ANKRD24: variants seen among roughly 807,000 people sequenced by gnomAD.
ANKRD24 encodes ankyrin repeat domain-containing protein 24.
In ANKRD24, 109 loss-of-function variants were observed where a neutral mutation model predicts 127.8. The ratio of observed to expected loss-of-function variants is 0.85; its 90% CI spans 0.73 to 1.00. ANKRD24 has a LOEUF of 1.00. Among genes scored for constraint, ANKRD24 ranks in the 50% least tolerant of loss-of-function variants. The probability of loss-of-function intolerance (pLI) is 0.00; values close to 1 mark genes in which losing one functional copy is unlikely to be tolerated. For synonymous variants in ANKRD24, 743 were observed against 671.1 expected, an observed-to-expected ratio of 1.11 and a Z score of -1.66; for missense variants, 1,648 against 1,570.2, an observed-to-expected ratio of 1.05 and a Z score of -0.84.
chr19:4,208,696 T>C (rs1168092253), intron 10 of ANKRD24, 68 bp from the exon 11 acceptor site: 18 of 1,512,944 alleles, frequency 1.2e-5, no homozygotes, highest in Non-Finnish European at 1.6e-5. Flanking sequence ...TACAAGTCCC[T>C]GGGGCCCACC....
rs138297941 is a variant in ANKRD24 at position 4,218,283 on chromosome 19, T to TTTTATTTATTTATTTA, written c.3003+136_3003+151dup. 1.2e-3 allele frequency: 771 copies of TTTTATTTATTTATTTA among 658,938 alleles called. 4 individuals carry two copies. Among genetic ancestry groups the TTTTATTTATTTATTTA allele is most frequent in the African/African-American group, 0.011 (567 of 51,314 alleles). 40.8% of individuals were successfully genotyped at this position (658,938 alleles called of 1,614,324 possible). Reference sequence around the variant, plus strand: ...GTTTTACTTGAACAGACCTACTTTATTTTATTTATTTATTTATTTATTTAT... The same window carrying TTTTATTTATTTATTTA: ...GTTTTACTTGAACAGACCTACTTTATTTTATTTATTTATTTATTTATTTATTTATTTATTTATTTAT... On this transcript the variant is annotated intron_variant, in intron 18 of 21. Coordinates refer to ENST00000318934, the MANE Select transcript of ANKRD24 (RefSeq NM_001393985.1).
chr19:4,209,080 C>CA lies in ANKRD24; in HGVS notation c.870+280dup, dbSNP rs986310399. 9.1e-5 allele frequency: 32 copies of CA among 353,328 alleles called. No individual in the cohort carries two copies. The South Asian group carries it at 1.1e-3, about 13-fold the overall frequency. The allele number at this position is 353,328 out of a possible 1,614,324, so 21.9% of individuals were successfully genotyped here. ...GGGTTGGTGTCTTCGGGGAAGGAAG[C>CA]AGATCTGGCCTCTTCCCCTCTTTCA... On this transcript the variant is annotated intron_variant, in intron 11 of 21. Coordinates refer to ENST00000318934, the MANE Select transcript of ANKRD24 (RefSeq NM_001393985.1).
chr19:4,188,378 ATT>A (rs34131628), intron 2 of ANKRD24, among the ~76,000 whole-genome samples: 6,968 of 83,456 alleles, frequency 0.083, 390 homozygotes, highest in African/African-American at 0.24. Context: ...CGCTTGGTCC[ATT>A]TTTTTTTTTT....
chr19:4,207,428 G>T, intron 8 of ANKRD24, 73 bp from the exon 9 acceptor site: 2 of 1,569,546 alleles, frequency 1.3e-6, no homozygotes, highest in Non-Finnish European at 8.8e-7. Context: ...AAACTCAAGG[G>T]CAGTTATATA....
In ANKRD24 at chr19:4,200,015, C is replaced by G. The variant is rs370556051; in HGVS notation, c.254+10C>G. The G allele has an allele frequency of 6.4e-7, 1 of 1,562,726 alleles. No individual in the cohort carries two copies. Among genetic ancestry groups the G allele is most frequent in the Admixed American group, 1.9e-5 (1 of 53,096 alleles). ...CCGAGGGCAAGTCCGCGTGAGTGCC[C>G]GCGACCCGGGAGTGAGATGGCTGAG... On this transcript the variant is annotated intron_variant, in intron 4 of 21. Transcript: ENST00000318934.
chr19:4,187,396 G>C (rs1968126380), intron 2 of ANKRD24, among the ~76,000 whole-genome samples: 1 of 151,740 alleles, frequency 6.6e-6, no homozygotes, highest in South Asian at 2.1e-4. Flanking sequence ...CTGGGCAACA[G>C]AGTGAGACTC....
chr19:4,212,734 TG>T, intron 15 of ANKRD24, 36 bp downstream of exon 15: 1 of 1,506,000 alleles, frequency 6.6e-7, no homozygotes, highest in Non-Finnish European at 9.0e-7. Context: ...GGGCTGGGGC[TG>T]GGTCGGGGAA....
In ANKRD24 at chr19:4,212,677, G is replaced by A; in HGVS notation, c.1176G>A (p.Gln392=). 1.3e-6 allele frequency: 2 copies of A among 1,551,126 alleles called. No individual in the cohort carries two copies. Among genetic ancestry groups the A allele is most frequent in the South Asian group, 1.2e-5 (1 of 84,016 alleles). ...ESLGREVESL[Q]SRLSLLENER... ...TGGGACGGGAGGTGGAGAGTTTGCA[G>A]AGCCGGCTGTCCCTGCTGGAGGTAG... The change falls in exon 15 of 22, where the codon CAG becomes CAA. Residue 392 remains glutamine, a synonymous_variant. Transcript: ENST00000318934.
chr19:4,185,263 G>T (rs1427652284), intron 1 of ANKRD24, among the ~76,000 whole-genome samples: 2 of 151,898 alleles, frequency 1.3e-5, no homozygotes, highest in Non-Finnish European at 2.9e-5. Context: ...TGATTAAAGG[G>T]TGATGAAGAA....
intron 2 of ANKRD24, among the ~76,000 whole-genome samples, chr19:4,189,379 T>A (rs1395370279): frequency 6.6e-6 from 1 of 150,874 alleles, no homozygotes; most frequent in Non-Finnish European, 1.5e-5. Flanking sequence ...GCCTCCCAAG[T>A]AGGTGGGACT....
chr19:4,219,776 C>G lies in ANKRD24; in HGVS notation c.3171+18C>G. 6.3e-7 allele frequency: 1 copy of G among 1,584,646 alleles called. No individual in the cohort carries two copies. On this transcript the variant is annotated intron_variant, in intron 19 of 21. Transcript: ENST00000318934. ...ACAAGAAGGTGGGTGCCCCCTCTCC[C>G]ACACTCAGTCAGGGAGGCATCCACT...
chr19:4,193,862 A>G (rs186366912), intron 2 of ANKRD24, among the ~76,000 whole-genome samples: 1,453 of 85,242 alleles, frequency 0.017, 4 homozygotes, highest in East Asian at 0.03. Context: ...GAAGGAAGGA[A>G]GGAAGGAAGG....
chr19:4,190,162 G>A (rs1414247806), intron 2 of ANKRD24, among the ~76,000 whole-genome samples: 1 of 152,040 alleles, frequency 6.6e-6, no homozygotes, highest in African/African-American at 2.4e-5. Context: ...TAGGCTGGGC[G>A]TGGTGGCTCA....
intron 2 of ANKRD24, among the ~76,000 whole-genome samples, chr19:4,191,557 C>T (rs1968387060): frequency 6.6e-6 from 1 of 152,104 alleles, no homozygotes; most frequent in South Asian, 2.1e-4. Flanking sequence ...TCTCGGCTCA[C>T]TGCAAGCTCC....
At chr19:4,202,206 T>G in intron 6 of ANKRD24, 116 bp downstream of exon 6, 1 of 941,282 alleles carries the variant, frequency 1.1e-6, no homozygotes. Context: ...CCCCTTTTAC[T>G]CCAGAACCCT....
At position 4,207,817 on chromosome 19, in the gene ANKRD24, C is replaced by G; in HGVS notation, c.681C>G (p.Pro227=). 2 of 1,575,602 alleles carry G rather than the reference C, an allele frequency of 1.3e-6. No homozygotes were observed. Among genetic ancestry groups the G allele is most frequent in the Non-Finnish European group, 1.7e-6 (2 of 1,161,646 alleles). Residue 227 remains proline, a synonymous_variant, in exon 10 of 22, where the codon CCC becomes CCG. Transcript: ENST00000318934. ...ALMLACEGAS[P]ETVEVLLQGG... ...TGCTGGCCTGTGAGGGGGCCAGCCC[C>G]GAAACAGTGGAGGTCCTGCTGCAGG...
intron 19 of ANKRD24, among the ~76,000 whole-genome samples, chr19:4,222,127 G>A (rs1262602479): frequency 4.6e-5 from 7 of 152,228 alleles, no homozygotes; most frequent in Admixed American, 3.9e-4. Flanking sequence ...GGTGGCTCAC[G>A]CCTGTAATCC....
chr19:4,224,003 T>C, intron 20 of ANKRD24, 124 bp from the exon 21 acceptor site: 5 of 726,772 alleles, frequency 6.9e-6, no homozygotes, highest in Non-Finnish European at 1.1e-5. Context: ...CCCCGCCATA[T>C]TTTCATATTT....
chr19:4,197,557 G>T (rs1326461308), intron 2 of ANKRD24, among the ~76,000 whole-genome samples: 1 of 135,216 alleles, frequency 7.4e-6, no homozygotes, highest in South Asian at 2.3e-4. Flanking sequence ...AAGTGAATGG[G>T]TCATATAAGA....
Sources: allele counts gnomAD v4.1 joint callset (sites outside exome capture counted in the v4.1 genomes callset), GRCh38; gene constraint gnomAD v4.1.1; transcripts MANE v1.5; gene names NCBI Gene and HGNC (gene_info 2026-07-23, HGNC 2026-07-21).